MCU: variants seen among roughly 807,000 people sequenced by gnomAD.
MCU encodes mitochondrial calcium uniporter.
A neutral mutation model predicts 45.2 loss-of-function variants in MCU; 12 were observed. The observed-to-expected ratio is 0.27, with a 90% CI of 0.17 to 0.43. MCU has a LOEUF of 0.43. Ranked by LOEUF, MCU falls within the 20% of genes least tolerant of loss-of-function variation. MCU has a pLI of 1.00. For missense variants in MCU, 324 were observed against 436.7 expected, an observed-to-expected ratio of 0.74 and a Z score of 2.30; for synonymous variants, 160 against 165.1, an observed-to-expected ratio of 0.97 and a Z score of 0.24.
At chr10:72,740,208 G>A (rs189157934) in intron 1 of MCU, among the ~76,000 whole-genome samples, 15 of 151,812 alleles carry the variant, frequency 9.9e-5, no homozygotes, top group East Asian at 7.9e-4. Flanking sequence ...ATGAAACCTC[G>A]TCTCTGCTAA....
In MCU at chr10:72,868,740, T is replaced by C. The variant is rs751032622; in HGVS notation, c.534T>C (p.Asp178=). ...LSHENAATLN[D]VKTLVQQLYT... The stretch of plus-strand genomic sequence containing the variant: ...ATGAAAATGCAGCAACGCTGAATGA[T>C]GTAAAGACATTGGTCCAGCAACTAT... Residue 178 remains aspartate, a synonymous_variant, in exon 5 of 8, where the codon GAT becomes GAC. Transcript: ENST00000373053. 4 of 1,614,122 alleles carry C rather than the reference T, an allele frequency of 2.5e-6. No homozygotes were observed. In the South Asian group the frequency reaches 3.3e-5, roughly 13 times the overall value.
At chr10:72,884,238 T>G in intron 6 of MCU, 28 bp from the exon 7 acceptor site, 1 of 1,328,690 alleles carries the variant, frequency 7.5e-7, no homozygotes, top group Non-Finnish European at 1.1e-6. Flanking sequence ...TGCTAAGGAC[T>G]GATAATTCCG....
intron 4 of MCU, 66 bp from the exon 5 acceptor site, chr10:72,868,637 T>C: frequency 6.8e-7 from 1 of 1,469,876 alleles, no homozygotes; most frequent in Non-Finnish European, 9.4e-7. Flanking sequence ...CTGCCTCATC[T>C]GATAGTCCCA....
chr10:72,742,226 C>A (rs1843345783), intron 1 of MCU, among the ~76,000 whole-genome samples: 1 of 151,836 alleles, frequency 6.6e-6, no homozygotes, highest in Non-Finnish European at 1.5e-5. Flanking sequence ...AGCAATAGGA[C>A]ATACCATATG....
chr10:72,856,768 TAAAAAAAAA>T lies in MCU; in HGVS notation c.221-2391_221-2383del, dbSNP rs1204072398. Among the ~76,000 whole-genome samples, 7 of 64,948 alleles carry T rather than the reference TAAAAAAAAA, an allele frequency of 1.1e-4. 1 individual carries two copies. The highest frequency in any genetic ancestry group is 1.9e-4 in the Admixed American group (1 of 5,338). 42.6% of individuals were successfully genotyped at this position (64,948 alleles called of 152,430 possible). ...GGGCAACGTGGTGAAACCCTGTCTC[TAAAAAAAAA>T]AAAAAAAAAAAAAAAAATAGCCTGG... On this transcript the variant is annotated intron_variant, in intron 2 of 7. Coordinates refer to ENST00000373053, the MANE Select transcript of MCU (RefSeq NM_138357.3).
intron 1 of MCU, among the ~76,000 whole-genome samples, chr10:72,773,811 G>A (rs1041307209): frequency 9.9e-5 from 15 of 152,098 alleles, no homozygotes; most frequent in African/African-American, 2.4e-5. Context: ...AGGCCAAGAG[G>A]GAGTATAATG....
intron 6 of MCU, among the ~76,000 whole-genome samples, chr10:72,872,013 A>C (rs540172786): frequency 6.6e-6 from 1 of 152,312 alleles, no homozygotes; most frequent in East Asian, 1.9e-4. Context: ...CAAATACTTA[A>C]ACTAAACTCA....
At position 72,695,008 on chromosome 10, in the gene MCU, C is replaced by T. The variant is rs111534289; in HGVS notation, c.150+2707C>T. On this transcript the variant is annotated intron_variant, in intron 1 of 7. Coordinates refer to ENST00000373053, the MANE Select transcript of MCU (RefSeq NM_138357.3). ...CTAGTGTAATTTTTTTCCTTCTCTCCGGCTTGTGACTGTAACCAAAACTGA... is the reference window on the plus strand; with the variant it reads ...CTAGTGTAATTTTTTTCCTTCTCTCTGGCTTGTGACTGTAACCAAAACTGA... Among the ~76,000 whole-genome samples, 32 of 152,084 alleles carry T rather than the reference C, an allele frequency of 2.1e-4. 1 individual carries two copies. Among genetic ancestry groups the T allele is most frequent in the Non-Finnish European group, 1.5e-5 (1 of 68,026 alleles).
chr10:72,777,171 A>G (rs1467940360), intron 1 of MCU, among the ~76,000 whole-genome samples: 1 of 152,220 alleles, frequency 6.6e-6, no homozygotes, highest in Non-Finnish European at 1.5e-5. Flanking sequence ...CAAAATACCA[A>G]TGATATCCTT....
chr10:72,782,996 A>T (rs1844018119), intron 1 of MCU, among the ~76,000 whole-genome samples: 1 of 152,246 alleles, frequency 6.6e-6, no homozygotes, highest in Admixed American at 6.5e-5. Context: ...GCTTATATTT[A>T]AGCTTCCTAT....
At chr10:72,749,288 A>G (rs929849752) in intron 1 of MCU, among the ~76,000 whole-genome samples, 26 of 152,176 alleles carry the variant, frequency 1.7e-4, no homozygotes, top group African/African-American at 5.8e-4. Flanking sequence ...CCTTGCCTCT[A>G]AAATCAAAAA....
At chr10:72,735,753 C>T (rs1843244464) in intron 1 of MCU, among the ~76,000 whole-genome samples, 1 of 152,104 alleles carries the variant, frequency 6.6e-6, no homozygotes, top group African/African-American at 2.4e-5. Flanking sequence ...TTGGCAGGGA[C>T]ATTGTAGACT....
intron 1 of MCU, among the ~76,000 whole-genome samples, chr10:72,773,192 TG>T (rs1843838265): frequency 2.0e-5 from 3 of 152,042 alleles, no homozygotes; most frequent in South Asian, 2.1e-4. Context: ...CCACCATACC[TG>T]GCACAAAATA....
intron 1 of MCU, among the ~76,000 whole-genome samples, chr10:72,719,721 T>G (rs1842996725): frequency 6.6e-6 from 1 of 152,244 alleles, no homozygotes; most frequent in Non-Finnish European, 1.5e-5. Flanking sequence ...ATAAATCACC[T>G]CAGGCATTTA....
intron 6 of MCU, among the ~76,000 whole-genome samples, chr10:72,883,860 A>G (rs1376211223): frequency 6.6e-6 from 1 of 152,236 alleles, no homozygotes; most frequent in African/African-American, 2.4e-5. Flanking sequence ...TAAAACAGGT[A>G]AAACTAAGTT....
At chr10:72,708,494 G>A (rs1008053012) in intron 1 of MCU, 3 of 152,226 alleles carry the variant, frequency 2.0e-5, no homozygotes, top group Non-Finnish European at 4.4e-5. Flanking sequence ...TAAGTGATTA[G>A]TTGCCTGCAG....
chr10:72,789,484 T>G (rs1844125642), intron 1 of MCU, among the ~76,000 whole-genome samples: 1 of 152,196 alleles, frequency 6.6e-6, no homozygotes, highest in South Asian at 2.1e-4. Flanking sequence ...ATGCTAGCTT[T>G]ATGTCATCTT....
At chr10:72,785,135 A>G (rs149749566) in intron 1 of MCU, among the ~76,000 whole-genome samples, 169 of 152,252 alleles carry the variant, frequency 1.1e-3, no homozygotes, top group Non-Finnish European at 1.6e-3. Flanking sequence ...CCACATTTCC[A>G]CATATATTAC....
intron 1 of MCU, among the ~76,000 whole-genome samples, chr10:72,823,374 A>G (rs1485137900): frequency 6.6e-6 from 1 of 152,210 alleles, no homozygotes; most frequent in Non-Finnish European, 1.5e-5. Flanking sequence ...CTGGTCTCTC[A>G]ACTGTGTAAA....
Sources: allele counts gnomAD v4.1 joint callset (sites outside exome capture counted in the v4.1 genomes callset), GRCh38; gene constraint gnomAD v4.1.1; transcripts MANE v1.5; gene names NCBI Gene and HGNC (gene_info 2026-07-23, HGNC 2026-07-21).